ATG7: variants seen among roughly 807,000 people sequenced by gnomAD.
The protein encoded by ATG7 is ubiquitin-like modifier-activating enzyme ATG7.
ATG7 carries 70 observed loss-of-function variants against 82.4 expected under a neutral mutation model. The ratio of observed to expected loss-of-function variants is 0.85; its 90% CI spans 0.70 to 1.04. The LOEUF is 1.04. Ranked by LOEUF, ATG7 falls within the 50% of genes least tolerant of loss-of-function variation. The pLI is 0.00. For synonymous variants in ATG7, 287 were observed against 313.0 expected, an observed-to-expected ratio of 0.92 and a Z score of 0.88; for missense variants, 792 against 864.3, an observed-to-expected ratio of 0.92 and a Z score of 1.05.
intron 20 of ATG7, among the ~76,000 whole-genome samples, chr3:11,462,100 G>A (rs987906941): frequency 3.9e-5 from 6 of 152,006 alleles, no homozygotes; most frequent in Non-Finnish European, 8.8e-5. Context: ...AGGATATCTG[G>A]TCATTAAAAC....
At chr3:11,287,884 A>G (rs1283532940) in intron 3 of ATG7, among the ~76,000 whole-genome samples, 3 of 152,244 alleles carry the variant, frequency 2.0e-5, no homozygotes, top group Non-Finnish European at 4.4e-5. Flanking sequence ...GGCACCTTCA[A>G]AGAATCAAAA....
intron 18 of ATG7, among the ~76,000 whole-genome samples, chr3:11,375,551 G>A (rs1186535610): frequency 4.2e-5 from 5 of 119,090 alleles, no homozygotes; most frequent in Non-Finnish European, 1.0e-4. Flanking sequence ...CACTTTGCTA[G>A]TGAGATTTTT....
At chr3:11,285,139 C>CTATTTTTT (rs1943762220) in intron 3 of ATG7, among the ~76,000 whole-genome samples, 1 of 104,108 alleles carries the variant, frequency 9.6e-6, no homozygotes, top group African/African-American at 3.9e-5. Context: ...TGTGAGCCAC[C>CTATTTTTT]TTTTTTTTTT....
intron 20 of ATG7, among the ~76,000 whole-genome samples, chr3:11,500,931 C>T (rs1255974777): frequency 6.6e-6 from 1 of 152,140 alleles, no homozygotes. Context: ...ACCGCCCAAC[C>T]TAAGTTTTTG....
chr3:11,297,006 T>C (rs1946036035), intron 3 of ATG7, among the ~76,000 whole-genome samples: 1 of 152,214 alleles, frequency 6.6e-6, no homozygotes, highest in Non-Finnish European at 1.5e-5. Context: ...TTTTTAATAG[T>C]CTTGGCACAA....
At chr3:11,554,256 G>A (rs1313494644) in intron 20 of ATG7, among the ~76,000 whole-genome samples, 1 of 152,178 alleles carries the variant, frequency 6.6e-6, no homozygotes, top group Non-Finnish European at 1.5e-5. Flanking sequence ...TTTGCTCCAG[G>A]CCACCTCCAC....
chr3:11,426,430 T>C (rs76621023), intron 19 of ATG7, among the ~76,000 whole-genome samples: 2,459 of 152,286 alleles, frequency 0.016, 64 homozygotes, highest in African/African-American at 0.056. Context: ...AAAATCCTTT[T>C]TCTCCTCCCT....
chr3:11,413,325 T>C (rs147852407), intron 19 of ATG7, among the ~76,000 whole-genome samples: 203 of 152,276 alleles, frequency 1.3e-3, no homozygotes, highest in Non-Finnish European at 2.2e-3. Flanking sequence ...TTTATTATGT[T>C]GAGGCAGTTT....
chr3:11,341,532 C>G (rs1452124027), intron 12 of ATG7, among the ~76,000 whole-genome samples: 3 of 151,482 alleles, frequency 2.0e-5, no homozygotes. Flanking sequence ...ACTGCAACCT[C>G]TGCTTCCCGG....
At position 11,414,562 on chromosome 3, in the gene ATG7, G is replaced by C. The variant is rs138376531; in HGVS notation, c.1957-12242G>C. On this transcript the variant is annotated intron_variant, in intron 19 of 20. Coordinates refer to ENST00000693202, the MANE Select transcript of ATG7 (RefSeq NM_001349232.2). ...TTCTTTTTCTTGTCTTATTTCATTA[G>C]CTAGGCCTTCTATTATGATGTTGAA... 6.7e-3 allele frequency among the ~76,000 whole-genome samples: 1,021 copies of C among 152,184 alleles called. 10 individuals are homozygous for C. The highest frequency in any genetic ancestry group is 0.024 in the African/African-American group (984 of 41,506).
rs1177481811 is a variant in ATG7 at position 11,556,806 on chromosome 3, C to T, written c.*1963C>T. The T allele has an allele frequency of 6.5e-6, 1 of 152,736 alleles. No homozygotes were observed. Among genetic ancestry groups the T allele is most frequent in the South Asian group, 2.1e-4 (1 of 4,834 alleles). The allele number at this position is 152,736 out of a possible 1,614,324, so 9.5% of individuals were successfully genotyped here. On this transcript the variant is annotated 3_prime_UTR_variant, in exon 21 of 21. Coordinates refer to ENST00000693202, the MANE Select transcript of ATG7 (RefSeq NM_001349232.2). ...AAAGTGTTCTCAACGATTTTTCCTA[C>T]AGAAAATATAGGGGCCTGAATGCCA...
chr3:11,502,142 G>C (rs577778233), intron 20 of ATG7, among the ~76,000 whole-genome samples: 52 of 151,750 alleles, frequency 3.4e-4, no homozygotes, highest in Middle Eastern at 3.4e-3. Context: ...GAGAATAAAA[G>C]TACAAACAAG....
At chr3:11,537,427 C>T (rs2070413321) in intron 20 of ATG7, among the ~76,000 whole-genome samples, 1 of 152,224 alleles carries the variant, frequency 6.6e-6, no homozygotes, top group Admixed American at 6.5e-5. Context: ...CTGTCCCAGT[C>T]ATGGCTGATC....
At chr3:11,530,303 G>A (rs978179094) in intron 20 of ATG7, among the ~76,000 whole-genome samples, 1 of 152,152 alleles carries the variant, frequency 6.6e-6, no homozygotes, top group Admixed American at 6.5e-5. Flanking sequence ...TGTGCGGTGC[G>A]CGTGCAGTCC....
intron 20 of ATG7, among the ~76,000 whole-genome samples, chr3:11,439,225 C>T (rs931243305): frequency 3.3e-5 from 5 of 152,006 alleles, no homozygotes; most frequent in Middle Eastern, 3.4e-3. Flanking sequence ...CCCACCACCA[C>T]GCCCGGCTAT....
intron 6 of ATG7, among the ~76,000 whole-genome samples, chr3:11,307,916 C>T (rs192044716): frequency 3.3e-4 from 50 of 152,306 alleles, no homozygotes; most frequent in African/African-American, 1.2e-3. Flanking sequence ...TTTTCTTGAC[C>T]TGTGGCTTGA....
At chr3:11,371,956 G>A (rs1199882294) in intron 18 of ATG7, among the ~76,000 whole-genome samples, 1 of 151,324 alleles carries the variant, frequency 6.6e-6, no homozygotes, top group Non-Finnish European at 1.5e-5. Flanking sequence ...GTCCAGCTGG[G>A]AACAGCCCGG....
intron 20 of ATG7, among the ~76,000 whole-genome samples, chr3:11,501,300 T>C (rs531713584): frequency 6.6e-6 from 1 of 152,244 alleles, no homozygotes; most frequent in East Asian, 1.9e-4. Flanking sequence ...TAGGGAGTTA[T>C]AAGAGGAACA....
At chr3:11,312,215 A>G (rs950713994) in intron 7 of ATG7, among the ~76,000 whole-genome samples, 2 of 152,190 alleles carry the variant, frequency 1.3e-5, no homozygotes, top group Non-Finnish European at 2.9e-5. Context: ...CAACCATCCA[A>G]TTTTAATTCT....
Sources: gnomAD v4.1 joint callset for allele counts (sites outside exome capture counted in the v4.1 genomes callset) on GRCh38, gnomAD v4.1.1 for gene constraint, MANE v1.5 for transcripts, NCBI Gene and HGNC (gene_info 2026-07-23, HGNC 2026-07-21) for gene names.